The following CD3E variants were observed in gnomAD, a reference collection of about 807,000 sequenced individuals.
CD3E encodes the protein T-cell surface glycoprotein CD3 epsilon chain.
CD3E carries 16 observed loss-of-function variants against 34.7 expected under a neutral mutation model. That is an observed-to-expected ratio of 0.46 (90% CI 0.31 to 0.70). The LOEUF is 0.70. CD3E is among the 30% of genes least tolerant of loss of function. The pLI, the probability that CD3E is intolerant of heterozygous loss-of-function variation, is 0.05. For missense variants in CD3E, 223 were observed against 253.9 expected, an observed-to-expected ratio of 0.88 and a Z score of 0.83; for synonymous variants, 70 against 90.8, an observed-to-expected ratio of 0.77 and a Z score of 1.30.
rs200099489 is a variant in CD3E at position 118,304,935 on chromosome 11, C to A, written c.-18C>A. 9.9e-6 allele frequency: 16 copies of A among 1,612,794 alleles called. No individual in the cohort carries two copies. The African/African-American group carries it at 1.5e-4, about 15-fold the overall frequency. Reference sequence around the variant, plus strand: ...GGCCTCCGCCATCTTAGTAAAGTAACAGTCCCATGAAACAAAGATGCAGTC... The same window carrying A: ...GGCCTCCGCCATCTTAGTAAAGTAAAAGTCCCATGAAACAAAGATGCAGTC... On this transcript the variant is annotated 5_prime_UTR_variant, in exon 2 of 9. Coordinates refer to ENST00000361763, the MANE Select transcript of CD3E (RefSeq NM_000733.4).
intron 4 of CD3E, among the ~76,000 whole-genome samples, chr11:118,309,217 T>C (rs1009309009): frequency 5.9e-5 from 9 of 152,164 alleles, no homozygotes; most frequent in Non-Finnish European, 2.9e-5. Context: ...ACCTAACTTG[T>C]AGGGTTATTA....
At position 118,313,695 on chromosome 11, in the gene CD3E, C is replaced by G. The variant is rs1948148884; in HGVS notation, c.353-12C>G. 3.1e-6 allele frequency: 5 copies of G among 1,613,726 alleles called. No homozygotes were observed. Among genetic ancestry groups the G allele is most frequent in the Non-Finnish European group, 4.2e-6 (5 of 1,179,800 alleles). On this transcript the variant is annotated splice_polypyrimidine_tract_variant and intron_variant, in intron 6 of 8. Transcript: ENST00000361763. ...TTAGTGATTTCCCCTCTCCCCACCCCACCCCCCACAGTGTGTGAGAACTGC... is the reference window on the plus strand; with the variant it reads ...TTAGTGATTTCCCCTCTCCCCACCCGACCCCCCACAGTGTGTGAGAACTGC...
Position 118,315,534 on chromosome 11 carries a change from C to T in CD3E, c.616C>T (p.Arg206Cys), listed in dbSNP as rs201482209. Residue 206 changes from arginine to cysteine, a missense_variant, in exon 9 of 9, where the codon CGC (arginine) becomes TGC (cysteine). Arg to Cys is a radical substitution (Grantham distance 180). Coordinates refer to ENST00000361763, the MANE Select transcript of CD3E (RefSeq NM_000733.4). ...RDLYSGLNQRRI is the reference protein window; with the variant it reads ...RDLYSGLNQRCI The stretch of plus-strand genomic sequence containing the variant: ...CCTGTATTCTGGCCTGAATCAGAGA[C>T]GCATCTGACCCTCTGGAGAACACTG... 12 of 1,612,814 alleles carry T rather than the reference C, an allele frequency of 7.4e-6. No individual in the cohort carries two copies. The highest frequency in any genetic ancestry group is 1.1e-5 in the South Asian group (1 of 90,684).
At chr11:118,306,942 A>G (rs929899925) in intron 2 of CD3E, among the ~76,000 whole-genome samples, 3 of 152,208 alleles carry the variant, frequency 2.0e-5, no homozygotes, top group Non-Finnish European at 4.4e-5. Flanking sequence ...CACAGACACC[A>G]ATGTTCAAAA....
chr11:118,307,215 G>C, intron 2 of CD3E, 73 bp from the exon 3 acceptor site: 1 of 1,167,906 alleles, frequency 8.6e-7, no homozygotes, highest in Non-Finnish European at 1.3e-6. Context: ...CTGCAACACA[G>C]CCCTTTTTCT....
At chr11:118,307,138 T>C in intron 2 of CD3E, 150 bp from the exon 3 acceptor site, 1 of 655,668 alleles carries the variant, frequency 1.5e-6, no homozygotes, top group South Asian at 1.9e-5. Flanking sequence ...TCCACTGTTC[T>C]AGGGTGTAGA....
intron 2 of CD3E, among the ~76,000 whole-genome samples, chr11:118,305,791 G>A (rs1014472428): frequency 1.3e-5 from 2 of 152,214 alleles, no homozygotes; most frequent in Non-Finnish European, 2.9e-5. Flanking sequence ...AAGCCAATCT[G>A]TGAGACCAGG....
At chr11:118,310,255 T>G (rs1948128536) in intron 4 of CD3E, among the ~76,000 whole-genome samples, 1 of 152,198 alleles carries the variant, frequency 6.6e-6, no homozygotes, top group African/African-American at 2.4e-5. Context: ...TTAGTTATTT[T>G]TCCTGATCCT....
intron 6 of CD3E, 23 bp downstream of exon 6, chr11:118,312,889 G>A (rs199542381): frequency 4.2e-5 from 68 of 1,613,742 alleles, no homozygotes; most frequent in Non-Finnish European, 5.5e-5. Flanking sequence ...TCCAGAACAG[G>A]TACCACCGGC....
At chr11:118,315,453 C>G (rs200463838) in intron 8 of CD3E, 33 bp from the exon 9 acceptor site, 99 of 1,599,478 alleles carry the variant, frequency 6.2e-5, no homozygotes, top group Non-Finnish European at 8.1e-5. Flanking sequence ...TCCTCCCGCA[C>G]CACTGACCGC....
rs2134770364 is a variant in CD3E, at chr11:118,315,878, T to G, written c.*336T>G. Reference sequence around the variant, plus strand: ...CGTTCAGTTCCCTCCTTTTCTTGCATGTAAGTTGTCCCCCATCCCAAAGTA... The same window carrying G: ...CGTTCAGTTCCCTCCTTTTCTTGCAGGTAAGTTGTCCCCCATCCCAAAGTA... On this transcript the variant is annotated 3_prime_UTR_variant, in exon 9 of 9. Transcript: ENST00000361763. 1 of 447,148 alleles carries G rather than the reference T, an allele frequency of 2.2e-6. No homozygotes were observed. Among genetic ancestry groups the G allele is most frequent in the East Asian group, 4.4e-5 (1 of 22,704 alleles). 27.7% of individuals were successfully genotyped at this position (447,148 alleles called of 1,614,324 possible).
At chr11:118,309,494 T>C (rs1948124612) in intron 4 of CD3E, among the ~76,000 whole-genome samples, 1 of 152,170 alleles carries the variant, frequency 6.6e-6, no homozygotes, top group Non-Finnish European at 1.5e-5. Flanking sequence ...GAGAATTGCT[T>C]GAACCTGGGA....
In CD3E at chr11:118,313,810, C is replaced by G; in HGVS notation, c.456C>G (p.Ser152Arg). The G allele has an allele frequency of 6.2e-7, 1 of 1,614,058 alleles. No individual in the cohort carries two copies. The highest frequency in any genetic ancestry group is 8.5e-7 in the Non-Finnish European group (1 of 1,180,026). The change falls in exon 7 of 9, where the codon AGC becomes AGG. Residue 152 changes from serine to arginine, a missense_variant. By Grantham distance (110) the Ser-to-Arg change is moderately radical. Coordinates refer to ENST00000361763, the MANE Select transcript of CD3E (RefSeq NM_000733.4). Reference sequence around the variant, plus strand: ...TGCTGCTGCTGGTTTACTACTGGAGCAAGAATAGAAAGGCCAAGGCCAAGC... The same window carrying G: ...TGCTGCTGCTGGTTTACTACTGGAGGAAGAATAGAAAGGCCAAGGCCAAGC... The part of the protein sequence containing the change: ...GGLLLLVYYW[S>R]KNRKAKAKPV...
At position 118,306,974 on chromosome 11, in the gene CD3E, C is replaced by A. The variant is rs1948110562; in HGVS notation, c.50-314C>A. ...AAAATGGAGGCTTGGGGGCAAAATT[C>A]TTTTGCTATGTCTCTAGTCGTCCAA... On this transcript the variant is annotated intron_variant, in intron 2 of 8. Coordinates refer to ENST00000361763, the MANE Select transcript of CD3E (RefSeq NM_000733.4). Among the ~76,000 whole-genome samples, 4 of 152,144 alleles carry A rather than the reference C, an allele frequency of 2.6e-5. No homozygotes were observed. In the South Asian group the frequency reaches 6.2e-4, roughly 24 times the overall value.
intron 2 of CD3E, 28 bp downstream of exon 2, chr11:118,305,029 T>C: frequency 6.2e-7 from 1 of 1,609,868 alleles, no homozygotes; most frequent in Non-Finnish European, 8.5e-7. Flanking sequence ...GAAAGGGTGG[T>C]GTGTCTCCAG....
chr11:118,311,985 C>G (rs1178174576), intron 4 of CD3E, among the ~76,000 whole-genome samples, 168 bp from the exon 5 acceptor site: 1 of 152,188 alleles, frequency 6.6e-6, no homozygotes, highest in African/African-American at 2.4e-5. Flanking sequence ...AGCTAAATCT[C>G]ATAGGCTAAG....
Position 118,313,753 on chromosome 11 carries a change from T to A in CD3E, c.399T>A (p.Ile133=). Residue 133 remains isoleucine, a synonymous_variant, in exon 7 of 9, where the codon ATT becomes ATA. Transcript: ENST00000361763. ...MEMDVMSVAT[I]VIVDICITGG... ...TGGATGTGATGTCGGTGGCCACAAT[T>A]GTCATAGTGGACATCTGCATCACTG... 1 of 1,614,078 alleles carries A rather than the reference T, an allele frequency of 6.2e-7. No homozygotes were observed. Among genetic ancestry groups the A allele is most frequent in the Non-Finnish European group, 8.5e-7 (1 of 1,180,006 alleles).
At chr11:118,309,721 A>G (rs2134763949) in intron 4 of CD3E, among the ~76,000 whole-genome samples, 1 of 152,382 alleles carries the variant, frequency 6.6e-6, no homozygotes, top group Non-Finnish European at 1.5e-5. Flanking sequence ...GAATTTCCTC[A>G]TTTAATTCTT....
chr11:118,308,455 C>CACTCTATCT lies in CD3E; in HGVS notation c.85+16_85+24dup, dbSNP rs1565510424. 6.4e-7 allele frequency: 1 copy of CACTCTATCT among 1,564,518 alleles called. No individual in the cohort carries two copies. The highest frequency in any genetic ancestry group is 1.7e-5 in the Admixed American group (1 of 59,356). ...ATGAAGAAATGGGTAAGAAGATTTC[C>CACTCTATCT]ACTCTATCTAGCAAAAGTTTTCAAA... On this transcript the variant is annotated intron_variant, in intron 4 of 8. Coordinates refer to ENST00000361763, the MANE Select transcript of CD3E (RefSeq NM_000733.4).
Sources: gnomAD v4.1 joint callset for allele counts (sites outside exome capture counted in the v4.1 genomes callset) on GRCh38, gnomAD v4.1.1 for gene constraint, MANE v1.5 for transcripts, NCBI Gene and HGNC (gene_info 2026-07-23, HGNC 2026-07-21) for gene names.